The following NSUN7 variants were observed in gnomAD, a reference collection of about 807,000 sequenced individuals.
NSUN7 encodes the protein protein NSUN7.
Under a neutral mutation model 58.5 loss-of-function variants are expected in NSUN7, and 39 were observed. That is an observed-to-expected ratio of 0.67 (90% CI 0.52 to 0.87). The LOEUF is 0.87. NSUN7 is among the 40% of genes least tolerant of loss of function. The pLI is 0.00. For synonymous variants in NSUN7, 278 were observed against 303.7 expected, an observed-to-expected ratio of 0.92 and a Z score of 0.88; for missense variants, 765 against 844.1, an observed-to-expected ratio of 0.91 and a Z score of 1.16.
intron 2 of NSUN7, among the ~76,000 whole-genome samples, chr4:40,753,721 C>T (rs549899987): frequency 3.5e-4 from 54 of 152,240 alleles, no homozygotes; most frequent in Non-Finnish European, 1.0e-4. Flanking sequence ...TGTGTCCCCA[C>T]CCAAATCTCA....
At chr4:40,768,661 A>G (rs1334633095) in intron 4 of NSUN7, among the ~76,000 whole-genome samples, 1 of 152,090 alleles carries the variant, frequency 6.6e-6, no homozygotes, top group Non-Finnish European at 1.5e-5. Flanking sequence ...CTTTTTCTTC[A>G]CTTATTCGTG....
intron 8 of NSUN7, among the ~76,000 whole-genome samples, chr4:40,792,002 T>G (rs930154623): frequency 2.0e-5 from 3 of 152,212 alleles, no homozygotes; most frequent in African/African-American, 7.2e-5. Flanking sequence ...CGACACTATC[T>G]TTAACTGGGT....
At chr4:40,802,129 A>G (rs1179078854) in intron 10 of NSUN7, among the ~76,000 whole-genome samples, 1 of 152,138 alleles carries the variant, frequency 6.6e-6, no homozygotes, top group Non-Finnish European at 1.5e-5. Flanking sequence ...AGAGTCAAGT[A>G]TGGATCAAGG....
chr4:40,757,269 G>C (rs1023155081), intron 2 of NSUN7, among the ~76,000 whole-genome samples: 4 of 151,878 alleles, frequency 2.6e-5, no homozygotes, highest in African/African-American at 4.8e-5. Context: ...TAAGTTACAG[G>C]AGATGGTCAG....
chr4:40,785,393 CT>C (rs1393021406), intron 7 of NSUN7, among the ~76,000 whole-genome samples: 1 of 151,482 alleles, frequency 6.6e-6, no homozygotes, highest in African/African-American at 2.4e-5. Context: ...GAGTTTCACT[CT>C]TGTTGCCCAG....
intron 4 of NSUN7, among the ~76,000 whole-genome samples, chr4:40,771,329 A>T (rs75782397): frequency 6.6e-6 from 1 of 152,232 alleles, no homozygotes; most frequent in African/African-American, 2.4e-5. Context: ...CTAACATGGG[A>T]GCTACATTTT....
intron 7 of NSUN7, among the ~76,000 whole-genome samples, chr4:40,781,830 G>GA (rs1379045686): frequency 6.6e-6 from 1 of 152,132 alleles, no homozygotes; most frequent in East Asian, 1.9e-4. Flanking sequence ...TCAAAGAACA[G>GA]AAAAAGATAT....
Position 40,808,473 on chromosome 4 carries a change from T to A in NSUN7, c.1691T>A (p.Met564Lys), listed in dbSNP as rs1251740952. 5.1e-6 allele frequency: 8 copies of A among 1,576,704 alleles called. No homozygotes were observed. Among genetic ancestry groups the A allele is most frequent in the Non-Finnish European group, 6.0e-6 (7 of 1,158,444 alleles). ...KGATTDNGIQMKIAEFLNRET... is the reference protein window; with the variant it reads ...KGATTDNGIQKKIAEFLNRET... ...GCCACTACTGATAATGGCATCCAAATGAAAATTGCTGAGTTCCTGAATCGA... is the reference window on the plus strand; with the variant it reads ...GCCACTACTGATAATGGCATCCAAAAGAAAATTGCTGAGTTCCTGAATCGA... The change falls in exon 12 of 12, where the codon ATG becomes AAG. Residue 564 changes from methionine to lysine, a missense_variant. Coordinates refer to ENST00000381782, the MANE Select transcript of NSUN7 (RefSeq NM_024677.6).
intron 4 of NSUN7, 65 bp downstream of exon 4, chr4:40,761,366 T>A: frequency 2.4e-6 from 3 of 1,273,256 alleles, no homozygotes; most frequent in Non-Finnish European, 3.3e-6. Context: ...TTGGTAAAAT[T>A]ACATACAGTA....
intron 9 of NSUN7, among the ~76,000 whole-genome samples, chr4:40,796,277 T>C (rs1009236904): frequency 1.3e-5 from 2 of 152,066 alleles, no homozygotes; most frequent in Admixed American, 6.6e-5. Context: ...TCACTTGTTA[T>C]AGTGAGCTGA....
chr4:40,759,729 T>C (rs1267161605), intron 2 of NSUN7, among the ~76,000 whole-genome samples: 1 of 152,080 alleles, frequency 6.6e-6, no homozygotes, highest in Non-Finnish European at 1.5e-5. Context: ...AACATGAACA[T>C]ACAACAAAAA....
At chr4:40,776,740 C>T (rs1742289621) in intron 7 of NSUN7, among the ~76,000 whole-genome samples, 1 of 152,070 alleles carries the variant, frequency 6.6e-6, no homozygotes, top group African/African-American at 2.4e-5. Context: ...CTCAGCCTCC[C>T]AAGTAGCTGT....
rs778219487 is a variant in NSUN7 at position 40,776,622 on chromosome 4, C to CT, written c.1036+374dup. The CT allele has an allele frequency of 7.9e-3, 1,332 of 168,292 alleles. 6 individuals carry two copies. Among genetic ancestry groups the CT allele is most frequent in the East Asian group, 0.02 (115 of 5,834 alleles). The allele number at this position is 168,292 out of a possible 1,614,324, so 10.4% of individuals were successfully genotyped here. On this transcript the variant is annotated intron_variant, in intron 7 of 11. Coordinates refer to ENST00000381782, the MANE Select transcript of NSUN7 (RefSeq NM_024677.6). ...TAATATCTAGGACTAGAAGCTAAGT[C>CT]TTTTTTTTTTTGAGATAAAGTCTTA...
At chr4:40,801,696 A>G (rs1002813759) in intron 10 of NSUN7, among the ~76,000 whole-genome samples, 3 of 152,062 alleles carry the variant, frequency 2.0e-5, no homozygotes, top group Non-Finnish European at 2.9e-5. Context: ...TCAGGTTTTC[A>G]AGACCAGCCT....
intron 2 of NSUN7, among the ~76,000 whole-genome samples, chr4:40,756,370 G>A (rs1361854469): frequency 6.6e-6 from 1 of 152,216 alleles, no homozygotes; most frequent in African/African-American, 2.4e-5. Context: ...TAAAATGGTG[G>A]TTAAGAGATC....
intron 4 of NSUN7, among the ~76,000 whole-genome samples, chr4:40,764,074 AT>A (rs199629908): frequency 0.015 from 2,274 of 151,548 alleles, 54 homozygotes; most frequent in African/African-American, 0.052. Context: ...TAATTTTTTA[AT>A]TTTTTTATTT....
intron 7 of NSUN7, among the ~76,000 whole-genome samples, chr4:40,786,967 A>G (rs1450607084): frequency 2.0e-5 from 3 of 152,156 alleles, no homozygotes; most frequent in Non-Finnish European, 4.4e-5. Flanking sequence ...CCAAGCAAGG[A>G]TAGTAAATTG....
chr4:40,765,494 T>C (rs1334396517), intron 4 of NSUN7, among the ~76,000 whole-genome samples: 1 of 151,490 alleles, frequency 6.6e-6, no homozygotes, highest in East Asian at 1.9e-4. Flanking sequence ...CCTTGTAGTA[T>C]AGTTTGAAGT....
chr4:40,760,557 A>G, intron 3 of NSUN7, 65 bp downstream of exon 3: 1 of 1,341,752 alleles, frequency 7.5e-7, no homozygotes, highest in Non-Finnish European at 1.1e-6. Flanking sequence ...AGTGTTTAAA[A>G]GCCTTTAGAT....
Sources: gnomAD v4.1 joint callset for allele counts (sites outside exome capture counted in the v4.1 genomes callset) on GRCh38, gnomAD v4.1.1 for gene constraint, MANE v1.5 for transcripts, NCBI Gene and HGNC (gene_info 2026-07-23, HGNC 2026-07-21) for gene names.